The following LMBR1 variants were observed in gnomAD, a reference collection of about 807,000 sequenced individuals.
LMBR1 encodes limb development membrane protein 1, also known as limb region 1 protein homolog.
A neutral mutation model predicts 73.9 loss-of-function variants in LMBR1; 52 were observed. That is an observed-to-expected ratio of 0.70 (90% CI 0.56 to 0.89). The LOEUF (loss-of-function observed/expected upper bound fraction) is 0.89. Ranked by LOEUF, LMBR1 falls within the 40% of genes least tolerant of loss-of-function variation. The probability of loss-of-function intolerance (pLI) is 0.00; values close to 1 mark genes in which losing one functional copy is unlikely to be tolerated. For missense variants in LMBR1, 539 were observed against 579.8 expected (o/e 0.93, Z 0.72); for synonymous variants, 215 against 209.4 (o/e 1.03, Z -0.23).
chr7:156,874,250 T>A (rs1017483929), intron 1 of LMBR1, among the ~76,000 whole-genome samples: 2 of 152,330 alleles, frequency 1.3e-5, no homozygotes, highest in Middle Eastern at 3.4e-3. Context: ...GCCTGGGTGC[T>A]AAGTCCCTCA....
At chr7:156,779,510 C>CA (rs1826738209) in intron 5 of LMBR1, 1 of 236,578 alleles carries the variant, frequency 4.2e-6, no homozygotes, top group Admixed American at 4.3e-5. Context: ...TGTAGACACA[C>CA]AGATTTCTTT....
At chr7:156,862,558 G>A (rs1278356790) in intron 1 of LMBR1, among the ~76,000 whole-genome samples, 2 of 150,922 alleles carry the variant, frequency 1.3e-5, no homozygotes, top group African/African-American at 2.4e-5. Context: ...AATATGAAAA[G>A]CATGATCCAT....
rs747149209 is a variant in LMBR1, at chr7:156,763,804, T to TA, written c.424-10dup. On this transcript the variant is annotated splice_polypyrimidine_tract_variant and intron_variant, in intron 5 of 16. Transcript: ENST00000353442. ...ATGCGGGCTCGGATTCCCTGAAAAA[T>TA]AGAGTAGAAATATAATTTTAGTATT... is the stretch of plus-strand genomic sequence containing the variant. 2 of 1,579,394 alleles carry TA rather than the reference T, an allele frequency of 1.3e-6. No individual in the cohort carries two copies. Among genetic ancestry groups the TA allele is most frequent in the Admixed American group, 4.0e-5 (2 of 50,038 alleles).
intron 1 of LMBR1, among the ~76,000 whole-genome samples, chr7:156,867,689 T>A (rs1490600163): frequency 6.6e-6 from 1 of 152,184 alleles, no homozygotes; most frequent in Non-Finnish European, 1.5e-5. Context: ...TCAATTTACG[T>A]AAGAAATATC....
At position 156,683,334 on chromosome 7, in the gene LMBR1, C is replaced by A. The variant is rs560315775; in HGVS notation, c.*744G>T. ...GGCAACTATGTTATCAGAGGGAATACTGAATTATATATATACATAAACTGT... is the reference window on the plus strand; with the variant it reads ...GGCAACTATGTTATCAGAGGGAATAATGAATTATATATATACATAAACTGT... On this transcript the variant is annotated 3_prime_UTR_variant, in exon 17 of 17. Coordinates refer to ENST00000353442, the MANE Select transcript of LMBR1 (RefSeq NM_022458.4). 1.1e-3 allele frequency: 170 copies of A among 152,638 alleles called. 2 individuals are homozygous for A. Among genetic ancestry groups the A allele is most frequent in the Middle Eastern group, 6.8e-3 (2 of 294 alleles). 9.5% of individuals were successfully genotyped at this position (152,638 alleles called of 1,614,324 possible).
rs911483950 is a variant in LMBR1 at position 156,769,119 on chromosome 7, C to T, written c.424-5324G>A. ...CACGAATACCAATTTAATATAGAGT[C>T]AGCAGTGCAAGCTACATCACAGATG... is the stretch of plus-strand genomic sequence containing the variant. On this transcript the variant is annotated intron_variant, in intron 5 of 16. Coordinates refer to ENST00000353442, the MANE Select transcript of LMBR1 (RefSeq NM_022458.4). Among the ~76,000 whole-genome samples the T allele has an allele frequency of 6.6e-6, 1 of 152,140 alleles. No homozygotes were observed. Among genetic ancestry groups the T allele is most frequent in the East Asian group, 1.9e-4 (1 of 5,196 alleles).
chr7:156,807,308 TCTTC>T (rs780055927), intron 4 of LMBR1, among the ~76,000 whole-genome samples: 9 of 152,340 alleles, frequency 5.9e-5, no homozygotes, highest in Non-Finnish European at 7.3e-5. Flanking sequence ...TGCTATTATT[TCTTC>T]CTTAACTATA....
rs1404248513 is a variant in LMBR1 at position 156,714,503 on chromosome 7, G to A, written c.1225+9609C>T. ...GTCTTTATTACTAATGGCTCAGAAT[G>A]TGAGGTTTGGAATGGCACGAGACAC... On this transcript the variant is annotated intron_variant, in intron 15 of 16. Transcript: ENST00000353442. 2.0e-5 allele frequency among the ~76,000 whole-genome samples: 3 copies of A among 152,192 alleles called. No homozygotes were observed. The East Asian group carries it at 5.8e-4, about 29-fold the overall frequency.
intron 9 of LMBR1, among the ~76,000 whole-genome samples, chr7:156,737,235 C>G (rs1818048901): frequency 6.6e-6 from 1 of 152,128 alleles, no homozygotes; most frequent in African/African-American, 2.4e-5. Context: ...AAATCAAGGT[C>G]AAAACTAATT....
intron 8 of LMBR1, among the ~76,000 whole-genome samples, chr7:156,761,305 A>G (rs924956966): frequency 1.8e-4 from 27 of 152,236 alleles, no homozygotes; most frequent in African/African-American, 6.3e-4. Flanking sequence ...ATATAATTAA[A>G]TATCTGACAA....
At position 156,679,784 on chromosome 7, in the gene LMBR1, A is replaced by G. The variant is rs1460952537; in HGVS notation, c.*4294T>C. 1 of 152,162 alleles carries G rather than the reference A, an allele frequency of 6.6e-6. No individual in the cohort carries two copies. Among genetic ancestry groups the G allele is most frequent in the Non-Finnish European group, 1.5e-5 (1 of 68,034 alleles). 9.4% of individuals were successfully genotyped at this position (152,162 alleles called of 1,614,324 possible). ...CCTGCTGTTCATAATCCAGGCTCAT[A>G]AACTTGACTTCTGTACCACCTTTAG... is the stretch of plus-strand genomic sequence containing the variant. On this transcript the variant is annotated 3_prime_UTR_variant, in exon 17 of 17. Coordinates refer to ENST00000353442, the MANE Select transcript of LMBR1 (RefSeq NM_022458.4).
chr7:156,775,058 G>A (rs1345936566), intron 5 of LMBR1, among the ~76,000 whole-genome samples: 1 of 152,056 alleles, frequency 6.6e-6, no homozygotes, highest in Non-Finnish European at 1.5e-5. Context: ...CTATCTATCA[G>A]GTACTATGCT....
chr7:156,888,687 G>A (rs1563636741), intron 1 of LMBR1, among the ~76,000 whole-genome samples: 3 of 152,206 alleles, frequency 2.0e-5, no homozygotes, highest in African/African-American at 7.2e-5. Flanking sequence ...GGAGGCCAGG[G>A]TGGGTGCATC....
chr7:156,817,508 G>A (rs992917858), intron 4 of LMBR1, among the ~76,000 whole-genome samples: 5 of 67,136 alleles, frequency 7.4e-5, no homozygotes, highest in African/African-American at 2.5e-4. Flanking sequence ...GAGAGAGAGA[G>A]AGAGAGACAG....
At chr7:156,772,109 A>G (rs1167745507) in intron 5 of LMBR1, among the ~76,000 whole-genome samples, 4 of 152,118 alleles carry the variant, frequency 2.6e-5, no homozygotes, top group Non-Finnish European at 4.4e-5. Context: ...CCCCGTCTCT[A>G]CTAAAAATAC....
intron 3 of LMBR1, among the ~76,000 whole-genome samples, chr7:156,831,028 T>C (rs550902321): frequency 2.0e-4 from 31 of 152,272 alleles, no homozygotes; most frequent in African/African-American, 7.5e-4. Flanking sequence ...GAAAACACGG[T>C]AAGGAAGACT....
intron 1 of LMBR1, among the ~76,000 whole-genome samples, chr7:156,837,182 AT>A (rs1253010416): frequency 2.0e-5 from 3 of 151,336 alleles, no homozygotes; most frequent in Non-Finnish European, 4.4e-5. Context: ...AAAAAAAAAA[AT>A]ATTAGCAGGG....
At chr7:156,857,526 T>C (rs1458588085) in intron 1 of LMBR1, among the ~76,000 whole-genome samples, 1 of 152,240 alleles carries the variant, frequency 6.6e-6, no homozygotes, top group Non-Finnish European at 1.5e-5. Context: ...AACATCCTTC[T>C]ATCAGTAATT....
At chr7:156,800,760 T>C (rs1241283337) in intron 4 of LMBR1, among the ~76,000 whole-genome samples, 1 of 152,184 alleles carries the variant, frequency 6.6e-6, no homozygotes, top group Non-Finnish European at 1.5e-5. Context: ...CCATTCTAGA[T>C]GCCATTAAGA....
Sources: allele counts gnomAD v4.1 joint callset (sites outside exome capture counted in the v4.1 genomes callset), GRCh38; gene constraint gnomAD v4.1.1; transcripts MANE v1.5; gene names NCBI Gene and HGNC (gene_info 2026-07-23, HGNC 2026-07-21).